The following WWOX variants were observed in gnomAD, a reference collection of about 807,000 sequenced individuals.
WWOX encodes the protein WW domain-containing oxidoreductase.
In WWOX, 69 loss-of-function variants were observed where a neutral mutation model predicts 46.2. The ratio of observed to expected loss-of-function variants is 1.49; its 90% CI spans 1.23 to 1.82. The LOEUF is 1.82. Ranked by LOEUF, WWOX falls within the 40% of genes most tolerant of loss-of-function variation. WWOX has a pLI of 0.00. For synonymous variants in WWOX, 359 were observed against 202.6 expected, an observed-to-expected ratio of 1.77 and a Z score of -6.56; for missense variants, 919 against 542.6, an observed-to-expected ratio of 1.69 and a Z score of -6.89.
intron 4 of WWOX, among the ~76,000 whole-genome samples, chr16:78,162,614 A>G (rs780392645): frequency 1.8e-4 from 28 of 151,992 alleles, no homozygotes; most frequent in Non-Finnish European, 3.2e-4. Flanking sequence ...ATGGCTCAGG[A>G]TACTTCTTTT....
intron 8 of WWOX, among the ~76,000 whole-genome samples, chr16:79,207,211 A>G (rs1196277022): frequency 6.6e-6 from 1 of 152,206 alleles, no homozygotes; most frequent in Admixed American, 6.5e-5. Flanking sequence ...TTCTGTTCCT[A>G]GTGGTGTATT....
At chr16:79,084,886 G>A (rs2048825849) in intron 8 of WWOX, among the ~76,000 whole-genome samples, 1 of 151,984 alleles carries the variant, frequency 6.6e-6, no homozygotes, top group South Asian at 2.1e-4. Context: ...TTACAGACAC[G>A]GTCACCCTGT....
chr16:78,563,972 G>C (rs780330910), intron 8 of WWOX, among the ~76,000 whole-genome samples: 11 of 152,178 alleles, frequency 7.2e-5, no homozygotes, highest in Non-Finnish European at 1.6e-4. Flanking sequence ...TTTTATGTTG[G>C]TGCTTGCCCA....
intron 8 of WWOX, among the ~76,000 whole-genome samples, chr16:78,817,485 T>C (rs1253925551): frequency 1.3e-5 from 2 of 152,182 alleles, no homozygotes; most frequent in African/African-American, 4.8e-5. Flanking sequence ...TGGATGTGCA[T>C]AAGGCACACT....
At position 78,257,065 on chromosome 16, in the gene WWOX, TG is replaced by T. The variant is rs1386003869; in HGVS notation, c.516+92780del. On this transcript the variant is annotated intron_variant, in intron 5 of 8. Coordinates refer to ENST00000566780, the MANE Select transcript of WWOX (RefSeq NM_016373.4). ...TACATTTCGCAGCAATCAGAAGGAA[TG>T]GGGTCGCCCCATGAACTTCTTAACC... 2.0e-5 allele frequency among the ~76,000 whole-genome samples: 3 copies of T among 152,146 alleles called. No homozygotes were observed. The East Asian group carries it at 5.8e-4, about 29-fold the overall frequency.
intron 4 of WWOX, among the ~76,000 whole-genome samples, chr16:78,133,010 T>A (rs1165791533): frequency 6.6e-6 from 1 of 152,174 alleles, no homozygotes; most frequent in Non-Finnish European, 1.5e-5. Context: ...TTCTGGATGG[T>A]ATTTGGATCT....
intron 8 of WWOX, among the ~76,000 whole-genome samples, chr16:78,847,081 A>G (rs1433070990): frequency 6.6e-6 from 1 of 152,016 alleles, no homozygotes; most frequent in Non-Finnish European, 1.5e-5. Flanking sequence ...ATTTTTTGGC[A>G]CTGTAAGAGG....
At chr16:78,369,583 T>A (rs1358748321) in intron 5 of WWOX, among the ~76,000 whole-genome samples, 2 of 152,072 alleles carry the variant, frequency 1.3e-5, no homozygotes, top group African/African-American at 4.8e-5. Context: ...GGGGCTGGAC[T>A]GATTTCTCAT....
chr16:79,144,506 C>A (rs544119976), intron 8 of WWOX, among the ~76,000 whole-genome samples: 1 of 152,232 alleles, frequency 6.6e-6, no homozygotes, highest in East Asian at 1.9e-4. Context: ...TTGCCTCCTG[C>A]TAGTTCCTTT....
At chr16:78,507,799 A>T (rs1337008091) in intron 8 of WWOX, among the ~76,000 whole-genome samples, 1 of 152,164 alleles carries the variant, frequency 6.6e-6, no homozygotes, top group Non-Finnish European at 1.5e-5. Flanking sequence ...TGCCTTGATT[A>T]ATAAGGCGTG....
intron 8 of WWOX, among the ~76,000 whole-genome samples, chr16:79,209,682 G>T (rs776324791): frequency 1.7e-4 from 26 of 152,298 alleles, no homozygotes; most frequent in Non-Finnish European, 2.9e-4. Context: ...AGAACTCTAA[G>T]ATTCCAGGCC....
At chr16:79,069,698 G>C (rs1289950507) in intron 8 of WWOX, among the ~76,000 whole-genome samples, 8 of 152,112 alleles carry the variant, frequency 5.3e-5, no homozygotes, top group Non-Finnish European at 1.0e-4. Flanking sequence ...GAAAGTAGCA[G>C]TCAATTAAAT....
intron 5 of WWOX, among the ~76,000 whole-genome samples, chr16:78,352,244 A>G (rs1031541361): frequency 2.8e-4 from 43 of 152,364 alleles, no homozygotes; most frequent in African/African-American, 7.9e-4. Flanking sequence ...AACATGTTAC[A>G]TAACTGTATT....
chr16:78,670,086 CG>C (rs2047424237), intron 8 of WWOX, among the ~76,000 whole-genome samples: 2 of 152,052 alleles, frequency 1.3e-5, no homozygotes, highest in Non-Finnish European at 2.9e-5. Context: ...TGTTCCCGGC[CG>C]CCCCCGGAAG....
chr16:78,546,357 C>T (rs555572308), intron 8 of WWOX, among the ~76,000 whole-genome samples: 2 of 152,110 alleles, frequency 1.3e-5, no homozygotes, highest in East Asian at 1.9e-4. Context: ...AACTTTAAGG[C>T]CCGGTTCTGT....
chr16:78,739,993 C>T (rs2049177806), intron 8 of WWOX, among the ~76,000 whole-genome samples: 1 of 152,130 alleles, frequency 6.6e-6, no homozygotes, highest in Non-Finnish European at 1.5e-5. Flanking sequence ...GGAGACATTG[C>T]CTCAGGAGTC....
intron 8 of WWOX, among the ~76,000 whole-genome samples, chr16:78,953,820 C>T (rs1597200467): frequency 6.6e-6 from 1 of 152,212 alleles, no homozygotes; most frequent in Non-Finnish European, 1.5e-5. Flanking sequence ...CGCAGCTGGG[C>T]ATGATCGAGC....
intron 4 of WWOX, among the ~76,000 whole-genome samples, chr16:78,156,785 G>T (rs928175851): frequency 2.6e-5 from 4 of 152,168 alleles, no homozygotes; most frequent in African/African-American, 9.7e-5. Flanking sequence ...TTAGCTGGGT[G>T]TGGTGGCACG....
chr16:78,758,489 G>T (rs2049712581), intron 8 of WWOX, among the ~76,000 whole-genome samples: 1 of 152,192 alleles, frequency 6.6e-6, no homozygotes, highest in Admixed American at 6.5e-5. Flanking sequence ...ATTGGAAGCA[G>T]GCTTCCCCCA....
Sources: allele counts gnomAD v4.1 joint callset (sites outside exome capture counted in the v4.1 genomes callset), GRCh38; gene constraint gnomAD v4.1.1; transcripts MANE v1.5; gene names NCBI Gene and HGNC (gene_info 2026-07-23, HGNC 2026-07-21).